The following FANCC variants were observed in gnomAD, a reference collection of about 807,000 sequenced individuals.
FANCC encodes the protein FA complementation group C, also known as Fanconi anemia group C protein.
In FANCC, 55 loss-of-function variants were observed where a neutral mutation model predicts 71.3. That is an observed-to-expected ratio of 0.77 (90% CI 0.62 to 0.97). The LOEUF is 0.97. Ranked by LOEUF, FANCC falls within the 50% of genes least tolerant of loss-of-function variation. FANCC has a pLI of 0.00. For synonymous variants in FANCC, 275 were observed against 244.9 expected (o/e 1.12, Z -1.15); for missense variants, 678 against 670.9 (o/e 1.01, Z -0.12).
intron 4 of FANCC, among the ~76,000 whole-genome samples, chr9:95,212,481 A>C (rs1828565437): frequency 1.3e-5 from 2 of 152,212 alleles, no homozygotes; most frequent in Admixed American, 1.3e-4. Flanking sequence ...GCAAAGAAAA[A>C]AACCTGTCGA....
At chr9:95,277,078 G>T (rs889547128) in intron 1 of FANCC, among the ~76,000 whole-genome samples, 2 of 152,098 alleles carry the variant, frequency 1.3e-5, no homozygotes, top group Non-Finnish European at 2.9e-5. Flanking sequence ...TGGTAACATT[G>T]TTCTTGAACA....
intron 6 of FANCC, among the ~76,000 whole-genome samples, chr9:95,162,918 T>C (rs1215251476): frequency 6.6e-6 from 1 of 152,204 alleles, no homozygotes; most frequent in Non-Finnish European, 1.5e-5. Context: ...TGCTTTTTAA[T>C]CTGTTGATTG....
chr9:95,284,924 GCACA>G (rs1833599345), intron 1 of FANCC, among the ~76,000 whole-genome samples: 1 of 146,202 alleles, frequency 6.8e-6, no homozygotes, highest in Non-Finnish European at 1.5e-5. Flanking sequence ...ATGCGCACAC[GCACA>G]GAGAGAGACA....
chr9:95,216,807 T>C (rs1053792254), intron 4 of FANCC, among the ~76,000 whole-genome samples: 7 of 152,184 alleles, frequency 4.6e-5, no homozygotes, highest in East Asian at 3.8e-4. Context: ...CACCAAACTC[T>C]TGTGGCTTGC....
intron 4 of FANCC, among the ~76,000 whole-genome samples, chr9:95,195,820 C>T (rs527692672): frequency 3.4e-4 from 52 of 152,150 alleles, no homozygotes; most frequent in African/African-American, 1.2e-3. Flanking sequence ...TAAACAGATC[C>T]CATTTTGTTA....
chr9:95,225,962 T>A (rs1385030384), intron 4 of FANCC, among the ~76,000 whole-genome samples: 2 of 152,182 alleles, frequency 1.3e-5, no homozygotes, highest in East Asian at 3.8e-4. Context: ...AGACCTTATG[T>A]GTGGAATGAA....
chr9:95,126,674 T>G, intron 8 of FANCC, 93 bp from the exon 9 acceptor site: 1 of 1,309,692 alleles, frequency 7.6e-7, no homozygotes. Flanking sequence ...TGGGAACTGC[T>G]GATGTCCAGA....
intron 6 of FANCC, among the ~76,000 whole-genome samples, chr9:95,155,449 A>T (rs1830421748): frequency 6.6e-6 from 1 of 152,136 alleles, no homozygotes. Flanking sequence ...AAAGTAGCTC[A>T]TTAAAAACTA....
chr9:95,211,052 C>G (rs1469586905), intron 4 of FANCC, among the ~76,000 whole-genome samples: 1 of 152,306 alleles, frequency 6.6e-6, no homozygotes, highest in Non-Finnish European at 1.5e-5. Flanking sequence ...ACTTCTAACC[C>G]TAGCAAGCTA....
intron 4 of FANCC, among the ~76,000 whole-genome samples, chr9:95,175,633 T>C (rs1250011645): frequency 6.6e-6 from 1 of 152,132 alleles, no homozygotes; most frequent in Non-Finnish European, 1.5e-5. Context: ...GGAGCTCAGG[T>C]ACAAGCCAGC....
chr9:95,126,630 T>G (rs778044841), intron 8 of FANCC, 49 bp from the exon 9 acceptor site: 34 of 1,588,238 alleles, frequency 2.1e-5, no homozygotes, highest in Non-Finnish European at 2.9e-5. Context: ...AAGCACTTTC[T>G]CAGAAACTTG....
chr9:95,295,339 C>A lies in FANCC; in HGVS notation c.-79+22187G>T, dbSNP rs35232778. Among the ~76,000 whole-genome samples, 379 of 152,054 alleles carry A rather than the reference C, an allele frequency of 2.5e-3. 1 individual carries two copies. Among genetic ancestry groups the A allele is most frequent in the Non-Finnish European group, 4.5e-3 (304 of 67,984 alleles). ...TATTATATAAGGAACTCAAACAGCT[C>A]AATACCAAAACAAAACAAAAAACAA... On this transcript the variant is annotated intron_variant, in intron 1 of 14. Transcript: ENST00000289081.
Position 95,107,227 on chromosome 9 carries a change from T to C in FANCC, c.1372A>G (p.Arg458Gly). 6.2e-7 allele frequency: 1 copy of C among 1,614,182 alleles called. No homozygotes were observed. The highest frequency in any genetic ancestry group is 8.5e-7 in the Non-Finnish European group (1 of 1,180,036). Residue 458 changes from arginine to glycine, a missense_variant, in exon 14 of 15, where the codon AGA (arginine) becomes GGA (glycine). Transcript: ENST00000289081. ...AVLGHLLAMS[R>G]SSSLSAQDLQ... is the part of the protein sequence containing the mutation. ...TCCTGGGCTGAGAGGCTGCTGCTTC[T>C]GGACATTGCCAGGAGGTGGCCCAGC...
At chr9:95,187,995 G>A (rs1826835715) in intron 4 of FANCC, among the ~76,000 whole-genome samples, 1 of 151,228 alleles carries the variant, frequency 6.6e-6, no homozygotes, top group African/African-American at 2.4e-5. Flanking sequence ...CTACGCATCA[G>A]TGTCTTCATG....
At chr9:95,146,121 T>C (rs1400819834) in intron 7 of FANCC, among the ~76,000 whole-genome samples, 1 of 152,190 alleles carries the variant, frequency 6.6e-6, no homozygotes, top group Non-Finnish European at 1.5e-5. Context: ...TTTTGTTTTT[T>C]TAAAATGCAT....
chr9:95,185,145 A>G (rs1389875797), intron 4 of FANCC, among the ~76,000 whole-genome samples: 3 of 152,242 alleles, frequency 2.0e-5, no homozygotes, highest in African/African-American at 7.2e-5. Context: ...TTGAAAAGGT[A>G]TTTGGAATTT....
intron 8 of FANCC, among the ~76,000 whole-genome samples, chr9:95,133,515 T>C (rs562982781): frequency 2.0e-5 from 3 of 152,364 alleles, no homozygotes; most frequent in East Asian, 3.9e-4. Flanking sequence ...TATACAGTTA[T>C]GTGCAATGGG....
rs1209993253 is a variant in FANCC at position 95,123,546 on chromosome 9, G to A, written c.996+1540C>T. On this transcript the variant is annotated intron_variant, in intron 10 of 14. Coordinates refer to ENST00000289081, the MANE Select transcript of FANCC (RefSeq NM_000136.3). Reference sequence around the variant, plus strand: ...ATGATGAAAAAAAGAAGGAACAACGGTCGTACCAAAAAGGGCCGCGGCCAC... The same window carrying A: ...ATGATGAAAAAAAGAAGGAACAACGATCGTACCAAAAAGGGCCGCGGCCAC... 4 of 532,586 alleles carry A rather than the reference G, an allele frequency of 7.5e-6. No homozygotes were observed. The East Asian group carries it at 2.0e-4, about 26-fold the overall frequency. The allele number at this position is 532,586 out of a possible 1,614,324, so 33.0% of individuals were successfully genotyped here. A position where few individuals can be genotyped will look rare whatever the true frequency, so the allele number is the denominator to read the frequency against.
chr9:95,276,299 C>T (rs1289809366), intron 1 of FANCC, among the ~76,000 whole-genome samples: 3 of 152,070 alleles, frequency 2.0e-5, no homozygotes, highest in Non-Finnish European at 2.9e-5. Context: ...AATATGTTTT[C>T]ACCCTGACTT....
Sources: allele counts gnomAD v4.1 joint callset (sites outside exome capture counted in the v4.1 genomes callset), GRCh38; gene constraint gnomAD v4.1.1; transcripts MANE v1.5; gene names NCBI Gene and HGNC (gene_info 2026-07-23, HGNC 2026-07-21).